NYAP2: variants seen among roughly 807,000 people sequenced by gnomAD.
The protein encoded by NYAP2 is neuronal tyrosine-phosphorylated phosphoinositide-3-kinase adaptor 2.
NYAP2 carries 23 observed loss-of-function variants against 50.4 expected under a neutral mutation model. That is an observed-to-expected ratio of 0.46 (90% CI 0.33 to 0.65). The LOEUF (loss-of-function observed/expected upper bound fraction) is 0.65, where lower values mean the gene tolerates loss of function less well. NYAP2 is among the 30% of genes least tolerant of loss of function. The pLI, the probability that NYAP2 is intolerant of heterozygous loss-of-function variation, is 0.02. For synonymous variants in NYAP2, 394 were observed against 365.2 expected (o/e 1.08, Z -0.90); for missense variants, 885 against 861.0 (o/e 1.03, Z -0.35).
chr2:225,618,543 G>C (rs1025969204), intron 5 of NYAP2, among the ~76,000 whole-genome samples: 5 of 152,194 alleles, frequency 3.3e-5, no homozygotes, highest in African/African-American at 1.2e-4. Context: ...GGAATTAGGA[G>C]AAGTCTTCCT....
At chr2:225,628,834 T>C (rs1439386619) in intron 6 of NYAP2, among the ~76,000 whole-genome samples, 1 of 152,168 alleles carries the variant, frequency 6.6e-6, no homozygotes, top group African/African-American at 2.4e-5. Flanking sequence ...TCTCTGGGTT[T>C]CTATTATGTT....
intron 3 of NYAP2, among the ~76,000 whole-genome samples, chr2:225,460,468 G>A (rs1689811692): frequency 6.6e-6 from 1 of 152,106 alleles, no homozygotes; most frequent in Non-Finnish European, 1.5e-5. Context: ...GCTGGGAGGT[G>A]GGTAATAATA....
chr2:225,614,520 C>T (rs1375722573), intron 5 of NYAP2, among the ~76,000 whole-genome samples: 2 of 152,250 alleles, frequency 1.3e-5, no homozygotes, highest in South Asian at 4.1e-4. Flanking sequence ...CTATTCAATA[C>T]TCAATAAAGA....
intron 5 of NYAP2, among the ~76,000 whole-genome samples, chr2:225,620,414 CAT>C (rs1234847883): frequency 7.4e-6 from 1 of 134,256 alleles, no homozygotes; most frequent in Non-Finnish European, 1.7e-5. Flanking sequence ...CGCACGCACA[CAT>C]GCACGCACAC....
intron 3 of NYAP2, among the ~76,000 whole-genome samples, chr2:225,476,542 T>C (rs757519113): frequency 6.6e-6 from 1 of 151,934 alleles, no homozygotes; most frequent in South Asian, 2.1e-4. Flanking sequence ...AACAGAAAAA[T>C]GGATGCAAAT....
At chr2:225,452,630 T>G (rs1181123772) in intron 3 of NYAP2, among the ~76,000 whole-genome samples, 1 of 152,222 alleles carries the variant, frequency 6.6e-6, no homozygotes, top group East Asian at 1.9e-4. Flanking sequence ...GGTTTCCCAC[T>G]GAATTTGATT....
chr2:225,521,895 A>G (rs937362984), intron 4 of NYAP2, among the ~76,000 whole-genome samples: 5 of 152,094 alleles, frequency 3.3e-5, no homozygotes, highest in African/African-American at 4.8e-5. Flanking sequence ...CTGTGAATCC[A>G]TCTGGTCCTG....
intron 3 of NYAP2, among the ~76,000 whole-genome samples, chr2:225,481,312 A>T (rs1313955069): frequency 2.0e-5 from 3 of 152,032 alleles, no homozygotes; most frequent in Non-Finnish European, 4.4e-5. Flanking sequence ...TTATAATAAT[A>T]ATTATTTATT....
At chr2:225,567,805 G>A (rs1037034052) in intron 4 of NYAP2, among the ~76,000 whole-genome samples, 2 of 152,146 alleles carry the variant, frequency 1.3e-5, no homozygotes, top group Non-Finnish European at 2.9e-5. Context: ...GGTTTGGCCA[G>A]AGTGAAGGGC....
chr2:225,556,911 T>C (rs1691786667), intron 4 of NYAP2, among the ~76,000 whole-genome samples: 1 of 152,178 alleles, frequency 6.6e-6, no homozygotes, highest in Non-Finnish European at 1.5e-5. Flanking sequence ...CATGTCAATA[T>C]CTTTGGCTGT....
chr2:225,592,484 C>G (rs1054994956), intron 5 of NYAP2, among the ~76,000 whole-genome samples: 9 of 152,180 alleles, frequency 5.9e-5, no homozygotes, highest in Non-Finnish European at 2.9e-5. Flanking sequence ...TTGACAGAAT[C>G]AGACACTCAT....
At chr2:225,431,316 G>A (rs955051612) in intron 3 of NYAP2, among the ~76,000 whole-genome samples, 10 of 152,184 alleles carry the variant, frequency 6.6e-5, no homozygotes, top group Admixed American at 4.6e-4. Context: ...ACGGTAGACC[G>A]TTGGCATTCT....
chr2:225,677,127 C>T, the NYAP2 span, among the ~76,000 whole-genome samples: 1 of 151,882 alleles, frequency 6.6e-6, no homozygotes, highest in African/African-American at 2.4e-5. Flanking sequence ...GATCTTTCAC[C>T]TTCTTGGTTA....
At chr2:225,512,560 C>T (rs1286865761) in intron 3 of NYAP2, among the ~76,000 whole-genome samples, 1 of 143,880 alleles carries the variant, frequency 7.0e-6, no homozygotes, top group Non-Finnish European at 1.5e-5. Context: ...TTCCTTCCTT[C>T]TTCCCTCCTT....
the NYAP2 span, among the ~76,000 whole-genome samples, chr2:225,671,331 A>G: frequency 6.6e-6 from 1 of 152,148 alleles, no homozygotes; most frequent in African/African-American, 2.4e-5. Flanking sequence ...CATTTCCACA[A>G]TGTTCATAGC....
intron 5 of NYAP2, among the ~76,000 whole-genome samples, chr2:225,583,352 T>C (rs1043036160): frequency 1.3e-5 from 2 of 152,086 alleles, no homozygotes; most frequent in African/African-American, 2.4e-5. Context: ...GGGACCACTA[T>C]GGAATTTTAG....
At chr2:225,558,669 T>A (rs1223764112) in intron 4 of NYAP2, among the ~76,000 whole-genome samples, 1 of 152,154 alleles carries the variant, frequency 6.6e-6, no homozygotes, top group Admixed American at 6.6e-5. Flanking sequence ...TTGAGTTCTC[T>A]TTGCTTTGTA....
At chr2:225,620,208 T>C (rs374838028) in intron 5 of NYAP2, among the ~76,000 whole-genome samples, 135 of 152,368 alleles carry the variant, frequency 8.9e-4, no homozygotes, top group African/African-American at 3.0e-3. Flanking sequence ...TCTGAATACG[T>C]TTCCTTGAGT....
chr2:225,595,727 C>T (rs1180685776), intron 5 of NYAP2, among the ~76,000 whole-genome samples: 8 of 152,100 alleles, frequency 5.3e-5, no homozygotes, highest in Non-Finnish European at 8.8e-5. Flanking sequence ...TAATATAAAC[C>T]ATAATCAAAT....
Sources: gnomAD v4.1 joint callset for allele counts (sites outside exome capture counted in the v4.1 genomes callset) on GRCh38, gnomAD v4.1.1 for gene constraint, MANE v1.5 for transcripts, NCBI Gene and HGNC (gene_info 2026-07-23, HGNC 2026-07-21) for gene names.